The following CCDC192 variants were observed in gnomAD, a reference collection of about 807,000 sequenced individuals.
CCDC192 encodes coiled-coil domain containing 192, also known as coiled-coil domain-containing protein 192.
chr5:127,775,426 G>C (rs1434464782), intron 3 of CCDC192, among the ~76,000 whole-genome samples: 1 of 152,096 alleles, frequency 6.6e-6, no homozygotes, highest in African/African-American at 2.4e-5. Flanking sequence ...ACCACAACAA[G>C]GGCTCTTGCC....
chr5:127,901,155 A>G lies in CCDC192; in HGVS notation c.535+25494A>G, dbSNP rs558182607. Among the ~76,000 whole-genome samples, 3 of 152,358 alleles carry G rather than the reference A, an allele frequency of 2.0e-5. No homozygotes were observed. The South Asian group carries it at 6.2e-4, about 32-fold the overall frequency. On this transcript the variant is annotated intron_variant, in intron 6 of 6. Transcript: ENST00000514853. ...AATTGGGTATCTACTTACAGTAAAC[A>G]AAAAAGATGAACTCTTTCTTTTTAT...
chr5:127,753,199 G>A (rs1269296449), intron 2 of CCDC192, among the ~76,000 whole-genome samples: 1 of 152,150 alleles, frequency 6.6e-6, no homozygotes, highest in Non-Finnish European at 1.5e-5. Flanking sequence ...AAGAAAACAG[G>A]ACACACCCAC....
chr5:127,797,750 TATATATATATATA>T (rs1561494004), intron 4 of CCDC192, among the ~76,000 whole-genome samples: 18 of 31,004 alleles, frequency 5.8e-4, no homozygotes, highest in South Asian at 1.7e-3. Context: ...TATATATATA[TATATATATATATA>T]TATATATATA....
intron 5 of CCDC192, among the ~76,000 whole-genome samples, chr5:127,822,390 C>A (rs1749332839): frequency 6.6e-6 from 1 of 152,096 alleles, no homozygotes; most frequent in South Asian, 2.1e-4. Context: ...TACAGGATGC[C>A]TATGGCAGGA....
chr5:127,832,034 C>G (rs534040004), intron 5 of CCDC192, among the ~76,000 whole-genome samples: 1 of 151,534 alleles, frequency 6.6e-6, no homozygotes, highest in African/African-American at 2.4e-5. Context: ...TGAACCCTGG[C>G]AAATCAATTT....
chr5:127,796,424 A>G (rs1356132838), intron 3 of CCDC192, among the ~76,000 whole-genome samples: 1 of 152,180 alleles, frequency 6.6e-6, no homozygotes, highest in Non-Finnish European at 1.5e-5. Flanking sequence ...ATAGAGAAAA[A>G]GCACAATAGC....
intron 5 of CCDC192, among the ~76,000 whole-genome samples, chr5:127,871,281 C>T (rs1026303969): frequency 5.3e-5 from 8 of 152,208 alleles, no homozygotes; most frequent in Non-Finnish European, 1.0e-4. Flanking sequence ...ATGCAGAAAA[C>T]TTAATTTCTA....
At chr5:127,861,249 C>T (rs1456282886) in intron 5 of CCDC192, among the ~76,000 whole-genome samples, 1 of 151,774 alleles carries the variant, frequency 6.6e-6, no homozygotes, top group Non-Finnish European at 1.5e-5. Context: ...CTCAGGTGAT[C>T]CGCCTGCCTC....
At chr5:127,921,347 A>G (rs918086966) in intron 6 of CCDC192, among the ~76,000 whole-genome samples, 6 of 152,026 alleles carry the variant, frequency 3.9e-5, no homozygotes, top group Non-Finnish European at 5.9e-5. Flanking sequence ...TACTAAATAA[A>G]CCACTCCAAC....
intron 5 of CCDC192, among the ~76,000 whole-genome samples, chr5:127,823,566 G>A (rs1341176716): frequency 2.0e-5 from 3 of 152,156 alleles, no homozygotes; most frequent in Non-Finnish European, 2.9e-5. Flanking sequence ...TACTAGGCCA[G>A]CTTTCCCCTG....
In CCDC192 at chr5:127,738,778, C is replaced by T. The variant is rs543108332; in HGVS notation, c.115-15490C>T. ...AGTTCTCGAGCCTTGGTTTTCAGCT[C>T]CATCAGCTTCTTTAAGCACTTCTCT... On this transcript the variant is annotated intron_variant, in intron 2 of 6. Transcript: ENST00000514853. 1.5e-4 allele frequency among the ~76,000 whole-genome samples: 23 copies of T among 152,216 alleles called. 1 individual carries two copies.
At chr5:127,853,561 T>C (rs967043403) in intron 5 of CCDC192, among the ~76,000 whole-genome samples, 1 of 152,086 alleles carries the variant, frequency 6.6e-6, no homozygotes, top group Non-Finnish European at 1.5e-5. Flanking sequence ...TCACCTGAAG[T>C]CAGGAGTTTG....
chr5:127,926,051 G>A (rs1319235664), intron 6 of CCDC192, among the ~76,000 whole-genome samples: 1 of 152,178 alleles, frequency 6.6e-6, no homozygotes, highest in Non-Finnish European at 1.5e-5. Flanking sequence ...GAAATGGGGC[G>A]TGCAGAAATT....
At chr5:127,874,806 T>G (rs1219068063) in intron 5 of CCDC192, among the ~76,000 whole-genome samples, 2 of 152,088 alleles carry the variant, frequency 1.3e-5, no homozygotes, top group Non-Finnish European at 2.9e-5. Flanking sequence ...TGCAGATAAA[T>G]CCAATTTTAA....
At chr5:127,734,262 C>T (rs1406782220) in intron 2 of CCDC192, among the ~76,000 whole-genome samples, 6 of 151,824 alleles carry the variant, frequency 4.0e-5, no homozygotes, top group Non-Finnish European at 8.8e-5. Context: ...GAACTCATCA[C>T]TTTTTATGGC....
intron 6 of CCDC192, among the ~76,000 whole-genome samples, chr5:127,911,653 G>A (rs1431664225): frequency 6.6e-6 from 1 of 151,518 alleles, no homozygotes; most frequent in Non-Finnish European, 1.5e-5. Flanking sequence ...CTTGAAAAAG[G>A]GAGTGACAGA....
intron 5 of CCDC192, among the ~76,000 whole-genome samples, chr5:127,809,934 G>C (rs1196456104): frequency 1.3e-5 from 2 of 152,150 alleles, no homozygotes; most frequent in East Asian, 3.8e-4. Context: ...AGATTGCTCT[G>C]TGTGGCAAAC....
intron 3 of CCDC192, among the ~76,000 whole-genome samples, chr5:127,768,536 C>G (rs1327009813): frequency 2.0e-5 from 3 of 152,114 alleles, no homozygotes; most frequent in African/African-American, 7.2e-5. Flanking sequence ...AGAATTGCAG[C>G]CTCTGGAACT....
chr5:127,747,411 C>T (rs533682925), intron 2 of CCDC192, among the ~76,000 whole-genome samples: 2,449 of 152,186 alleles, frequency 0.016, 35 homozygotes, highest in African/African-American at 0.037. Flanking sequence ...CCAATTTCAT[C>T]CATGTCCCTA....
Sources: gnomAD v4.1 joint callset for allele counts (sites outside exome capture counted in the v4.1 genomes callset) on GRCh38, gnomAD v4.1.1 for gene constraint, MANE v1.5 for transcripts, NCBI Gene and HGNC (gene_info 2026-07-23, HGNC 2026-07-21) for gene names.